Variants in IL1R2 observed in about 807,000 individuals in gnomAD.
IL1R2 encodes the protein interleukin 1 receptor type 2, also known as interleukin-1 receptor type 2.
Under a neutral mutation model 39.5 loss-of-function variants are expected in IL1R2, and 46 were observed. The observed-to-expected ratio is 1.16, with a 90% CI of 0.92 to 1.49. IL1R2 has a LOEUF of 1.49. Ranked by LOEUF, IL1R2 falls within the 40% of genes most tolerant of loss-of-function variation. The pLI is 0.00. For missense variants in IL1R2, 537 were observed against 502.0 expected, an observed-to-expected ratio of 1.07 and a Z score of -0.67; for synonymous variants, 207 against 189.6, an observed-to-expected ratio of 1.09 and a Z score of -0.75.
chr2:102,009,690 AACCTG>A lies in IL1R2; in HGVS notation c.199_203del (p.Leu67MetfsTer3). 6.2e-7 allele frequency: 1 copy of A among 1,614,172 alleles called. No homozygotes were observed. The highest frequency in any genetic ancestry group is 8.5e-7 in the Non-Finnish European group (1 of 1,180,022). The stretch of plus-strand genomic sequence containing the variant: ...GTGGGCCTCTGTCAGCCCCCGCATC[AACCTG>A]ACATGGCATAAAAATGACTCTGCTA... On this transcript the variant is annotated frameshift_variant, in exon 3 of 9. Coordinates refer to ENST00000332549, the MANE Select transcript of IL1R2 (RefSeq NM_004633.4). LOFTEE classifies it high-confidence loss of function.
chr2:102,004,694 C>T (rs1443315787), intron 1 of IL1R2, among the ~76,000 whole-genome samples: 1 of 152,142 alleles, frequency 6.6e-6, no homozygotes, highest in East Asian at 1.9e-4. Context: ...TTTGTTTTCC[C>T]CTCTGGGCCT....
At chr2:102,021,844 G>A (rs568110107) in intron 5 of IL1R2, among the ~76,000 whole-genome samples, 3 of 152,292 alleles carry the variant, frequency 2.0e-5, no homozygotes, top group East Asian at 1.9e-4. Context: ...GTCAAGTTTC[G>A]GGGAAAATCT....
At chr2:102,016,082 A>T in intron 4 of IL1R2, 31 bp downstream of exon 4, 2 of 1,562,512 alleles carry the variant, frequency 1.3e-6, no homozygotes, top group Non-Finnish European at 1.7e-6. Flanking sequence ...ATTTTACTAA[A>T]ATGTGTTTTC....
chr2:102,018,927 C>T (rs771898032), intron 4 of IL1R2, among the ~76,000 whole-genome samples: 13 of 152,134 alleles, frequency 8.5e-5, no homozygotes, highest in East Asian at 3.8e-4. Flanking sequence ...TGTTCTCGTT[C>T]GGAGTAAGAT....
intron 5 of IL1R2, among the ~76,000 whole-genome samples, chr2:102,020,848 T>C (rs919348688): frequency 6.6e-6 from 1 of 152,208 alleles, no homozygotes; most frequent in Admixed American, 6.5e-5. Flanking sequence ...AGGATCTCAG[T>C]GGCTCTCAAG....
chr2:101,997,571 G>T (rs911347585), intron 1 of IL1R2, among the ~76,000 whole-genome samples: 1 of 152,158 alleles, frequency 6.6e-6, no homozygotes, highest in Non-Finnish European at 1.5e-5. Flanking sequence ...TGAAGCTGTG[G>T]CTACAGGTCA....
intron 8 of IL1R2, among the ~76,000 whole-genome samples, chr2:102,027,932 T>C (rs1010608224): frequency 6.6e-6 from 1 of 152,200 alleles, no homozygotes; most frequent in Non-Finnish European, 1.5e-5. Context: ...AGACAGCATC[T>C]TAAACGCACA....
At chr2:102,010,661 G>A (rs1434635031) in intron 3 of IL1R2, among the ~76,000 whole-genome samples, 3 of 152,024 alleles carry the variant, frequency 2.0e-5, no homozygotes, top group Middle Eastern at 3.2e-3. Flanking sequence ...CAGGTGGTGC[G>A]TGGTAGAGCT....
At chr2:102,017,874 G>C (rs1310330371) in intron 4 of IL1R2, among the ~76,000 whole-genome samples, 4 of 152,122 alleles carry the variant, frequency 2.6e-5, no homozygotes, top group African/African-American at 9.7e-5. Context: ...GTCAACTCCT[G>C]ATAGAGACCC....
At chr2:102,005,853 G>A (rs1178713723) in intron 1 of IL1R2, among the ~76,000 whole-genome samples, 3 of 152,244 alleles carry the variant, frequency 2.0e-5, no homozygotes, top group Non-Finnish European at 4.4e-5. Flanking sequence ...ATCTGTCATA[G>A]AAGGTGTATT....
intron 3 of IL1R2, among the ~76,000 whole-genome samples, chr2:102,015,507 C>G (rs1229512733): frequency 2.0e-5 from 3 of 152,202 alleles, no homozygotes; most frequent in Non-Finnish European, 4.4e-5. Context: ...CCACTTAACA[C>G]TTAACTTACC....
At chr2:102,028,204 TG>T in intron 8 of IL1R2, 21 bp from the exon 9 acceptor site, 1 of 1,590,018 alleles carries the variant, frequency 6.3e-7, no homozygotes, top group South Asian at 1.2e-5. Flanking sequence ...CAGCTCCTGA[TG>T]TGACTCTGTT....
Position 102,028,289 on chromosome 2 carries a change from G to A in IL1R2, c.1094G>A (p.Gly365Glu), listed in dbSNP as rs1295648242. ...APLSLAFLVLGGIWMHRRCKH... is the reference protein window; with the variant it reads ...APLSLAFLVLEGIWMHRRCKH... ...CTTTCACTGGCCTTCTTGGTTTTGG[G>A]GGGAATATGGATGCACAGACGGTGC... The change falls in exon 9 of 9, where the codon GGG (glycine) becomes GAG (glutamate). Residue 365 changes from glycine (G) to glutamate (E), a missense_variant. Coordinates refer to ENST00000332549, the MANE Select transcript of IL1R2 (RefSeq NM_004633.4). 1.2e-6 allele frequency: 2 copies of A among 1,612,790 alleles called. No individual in the cohort carries two copies. The highest frequency in any genetic ancestry group is 1.3e-5 in the African/African-American group (1 of 74,938).
At chr2:102,001,527 A>G (rs139164299) in intron 1 of IL1R2, among the ~76,000 whole-genome samples, 1 of 152,336 alleles carries the variant, frequency 6.6e-6, no homozygotes, top group African/African-American at 2.4e-5. Flanking sequence ...GAACAGTCTC[A>G]GCCTGCTGCT....
intron 3 of IL1R2, among the ~76,000 whole-genome samples, chr2:102,013,580 AG>A (rs1559421503): frequency 2.3e-4 from 31 of 137,392 alleles, no homozygotes; most frequent in South Asian, 9.6e-4. Context: ...AAGAAGGAAA[AG>A]AAAAAGAAAA....
intron 3 of IL1R2, among the ~76,000 whole-genome samples, chr2:102,010,462 G>A (rs982347695): frequency 3.9e-5 from 6 of 151,946 alleles, no homozygotes; most frequent in African/African-American, 1.2e-4. Context: ...TGTAGTCCCA[G>A]CTACTCAGGA....
chr2:102,019,127 A>G (rs1267533668), intron 4 of IL1R2, among the ~76,000 whole-genome samples: 2 of 152,192 alleles, frequency 1.3e-5, no homozygotes, highest in African/African-American at 4.8e-5. Context: ...CCTTGTGTCC[A>G]TATAAAAAGT....
At chr2:102,006,258 T>C (rs1253243928) in intron 1 of IL1R2, among the ~76,000 whole-genome samples, 2 of 152,176 alleles carry the variant, frequency 1.3e-5, no homozygotes, top group Non-Finnish European at 2.9e-5. Flanking sequence ...TTGGTGGATG[T>C]TTATGTGACC....
At chr2:102,023,975 G>A (rs763473908) in intron 6 of IL1R2, among the ~76,000 whole-genome samples, 2 of 151,996 alleles carry the variant, frequency 1.3e-5, no homozygotes, top group Non-Finnish European at 2.9e-5. Context: ...CGTGAACCGG[G>A]GAGGCGGAGC....
Sources: gnomAD v4.1 joint callset for allele counts (sites outside exome capture counted in the v4.1 genomes callset) on GRCh38, gnomAD v4.1.1 for gene constraint, MANE v1.5 for transcripts, NCBI Gene and HGNC (gene_info 2026-07-23, HGNC 2026-07-21) for gene names.